LPIN2: variants seen among roughly 807,000 people sequenced by gnomAD.
LPIN2 encodes phosphatidate phosphatase LPIN2.
LPIN2 carries 55 observed loss-of-function variants against 111.4 expected under a neutral mutation model. The ratio of observed to expected loss-of-function variants is 0.49; its 90% CI spans 0.40 to 0.62. LPIN2 has a LOEUF of 0.62. Ranked by LOEUF, LPIN2 falls within the 20% of genes least tolerant of loss-of-function variation. The pLI, the probability that LPIN2 is intolerant of heterozygous loss-of-function variation, is 0.00. For missense variants in LPIN2, 992 were observed against 1,112.1 expected, an observed-to-expected ratio of 0.89 and a Z score of 1.54; for synonymous variants, 425 against 414.0, an observed-to-expected ratio of 1.03 and a Z score of -0.32.
chr18:2,994,111 A>T (rs2078305337), intron 1 of LPIN2, among the ~76,000 whole-genome samples: 1 of 152,250 alleles, frequency 6.6e-6, no homozygotes, highest in African/African-American at 2.4e-5. Flanking sequence ...CAGACTGTAC[A>T]TAAATGTACG....
At chr18:2,995,983 T>A (rs1318128186) in intron 1 of LPIN2, among the ~76,000 whole-genome samples, 3 of 152,180 alleles carry the variant, frequency 2.0e-5, no homozygotes, top group Non-Finnish European at 4.4e-5. Flanking sequence ...TACATGTGTA[T>A]AACGGAGGAC....
In LPIN2 at chr18:2,940,681, C is replaced by T; in HGVS notation, c.622G>A (p.Glu208Lys). The T allele has an allele frequency of 2.5e-6, 4 of 1,612,998 alleles. No homozygotes were observed. The highest frequency in any genetic ancestry group is 1.7e-6 in the Non-Finnish European group (2 of 1,179,274). Residue 208 changes from glutamate (E) to lysine (K), a missense_variant, in exon 5 of 20, where the codon GAA becomes AAA. Around this residue, in one of 4 missense-constraint regions of LPIN2, gnomAD observed 709 missense variants for 753.2 expected, o/e 0.94. Transcript: ENST00000677752. ...GSSNASLKEE[E>K]CKEPLLFHSG... ...TGGAAGAGCAAAGGCTCTTTACATT[C>T]TTCTTCTTTCAAGGAAGCATTTGAA...
chr18:3,002,958 G>A lies in LPIN2; in HGVS notation c.-10+10129C>T, dbSNP rs982023398. 3.9e-5 allele frequency among the ~76,000 whole-genome samples: 6 copies of A among 152,168 alleles called. 1 individual carries two copies. Among genetic ancestry groups the A allele is most frequent in the African/African-American group, 1.4e-4 (6 of 41,434 alleles). On this transcript the variant is annotated intron_variant, in intron 1 of 19. Coordinates refer to ENST00000677752, the MANE Select transcript of LPIN2 (RefSeq NM_001375808.2). ...AGGAATGTTCATTCATTCACCTTTC[G>A]CCCTTTGTCCTATGACTCTCTCAAC...
At chr18:2,968,728 T>C (rs973119166) in intron 1 of LPIN2, among the ~76,000 whole-genome samples, 2 of 152,166 alleles carry the variant, frequency 1.3e-5, no homozygotes, top group African/African-American at 4.8e-5. Context: ...GAAAGTGTGC[T>C]AAGTTTGAGG....
At chr18:2,967,883 A>C (rs1203297963) in intron 1 of LPIN2, among the ~76,000 whole-genome samples, 1 of 152,190 alleles carries the variant, frequency 6.6e-6, no homozygotes, top group African/African-American at 2.4e-5. Flanking sequence ...TCACTTTATA[A>C]AACAAGAAAT....
chr18:2,972,847 T>C (rs1055308718), intron 1 of LPIN2, among the ~76,000 whole-genome samples: 1 of 152,210 alleles, frequency 6.6e-6, no homozygotes. Context: ...AACCTTGTCA[T>C]GAAACTTTCT....
At chr18:2,964,920 C>T (rs942275883) in intron 1 of LPIN2, among the ~76,000 whole-genome samples, 2 of 152,142 alleles carry the variant, frequency 1.3e-5, no homozygotes, top group Non-Finnish European at 2.9e-5. Flanking sequence ...AATATGTGAA[C>T]TGATTGGGTC....
chr18:2,930,347 G>C (rs573012509), intron 9 of LPIN2, among the ~76,000 whole-genome samples: 1 of 152,166 alleles, frequency 6.6e-6, no homozygotes, highest in East Asian at 1.9e-4. Flanking sequence ...TTAGTCCCTA[G>C]AATGAACCAT....
rs1366409164 is a variant in LPIN2 at position 2,982,612 on chromosome 18, G to A, written c.-9-21763C>T. The A allele has an allele frequency of 4.0e-6, 3 of 743,942 alleles. No individual in the cohort carries two copies. In the African/African-American group the frequency reaches 5.5e-5, roughly 14 times the overall value. The allele number at this position is 743,942 out of a possible 1,614,324, so 46.1% of individuals were successfully genotyped here. A position where few individuals can be genotyped will look rare whatever the true frequency, so the allele number is the denominator to read the frequency against. On this transcript the variant is annotated intron_variant, in intron 1 of 19. Transcript: ENST00000677752. ...GATGCCATCCCCTTGTCTCTCAGTA[G>A]TGTCCAGATTGAGCAAGCAGCGAAG...
chr18:2,959,389 A>G (rs2077672682), intron 2 of LPIN2, among the ~76,000 whole-genome samples: 1 of 152,248 alleles, frequency 6.6e-6, no homozygotes, highest in African/African-American at 2.4e-5. Context: ...AAGCTCAGCT[A>G]TATAAAATAG....
chr18:2,934,598 A>G lies in LPIN2; in HGVS notation c.1169-148T>C. On this transcript the variant is annotated intron_variant, in intron 7 of 19. Transcript: ENST00000677752. ...AAGGTGTCAACCAGCCTTTTTACTT[A>G]GGTTGGTTCCCAGCCATCCATGCCA... 3 of 656,768 alleles carry G rather than the reference A, an allele frequency of 4.6e-6. No individual in the cohort carries two copies. In the South Asian group the frequency reaches 4.8e-5, roughly 10 times the overall value. The allele number at this position is 656,768 out of a possible 1,614,324, so 40.7% of individuals were successfully genotyped here.
In LPIN2 at chr18:2,951,325, G is replaced by A; in HGVS notation, c.320C>T (p.Pro107Leu). The A allele has an allele frequency of 6.2e-7, 1 of 1,614,074 alleles. No homozygotes were observed. Among genetic ancestry groups the A allele is most frequent in the Non-Finnish European group, 8.5e-7 (1 of 1,180,002 alleles). ...EKLPAYLATSPIPTEDQFFKD... is the reference protein window; with the variant it reads ...EKLPAYLATSLIPTEDQFFKD... Reference sequence around the variant, plus strand: ...AAAGAACTGATCTTCAGTAGGAATTGGTGAGGTGGCAAGGTAAGCAGGAAG... The same window carrying A: ...AAAGAACTGATCTTCAGTAGGAATTAGTGAGGTGGCAAGGTAAGCAGGAAG... Residue 107 changes from proline to leucine, a missense_variant, in exon 4 of 20, where the codon CCA (proline) becomes CTA (leucine). By Grantham distance (98) the Pro-to-Leu change is moderately conservative. Transcript: ENST00000677752.
chr18:2,935,777 T>G (rs1376593519), intron 7 of LPIN2, among the ~76,000 whole-genome samples: 1 of 152,128 alleles, frequency 6.6e-6, no homozygotes, highest in East Asian at 1.9e-4. Context: ...AATAAAACAC[T>G]GTATGTGGAT....
chr18:2,970,505 TGGC>T (rs1324467952), intron 1 of LPIN2, among the ~76,000 whole-genome samples: 1 of 152,258 alleles, frequency 6.6e-6, no homozygotes, highest in Non-Finnish European at 1.5e-5. Flanking sequence ...CTTGCCCTCT[TGGC>T]ATCTCTCTGA....
chr18:2,959,229 T>C (rs927891068), intron 2 of LPIN2, among the ~76,000 whole-genome samples: 5 of 152,256 alleles, frequency 3.3e-5, no homozygotes, highest in Admixed American at 2.6e-4. Flanking sequence ...AATGTGGTTC[T>C]CCAGTGGAAA....
At chr18:2,939,735 G>C in intron 5 of LPIN2, 132 bp from the exon 6 acceptor site, 4 of 898,636 alleles carry the variant, frequency 4.5e-6, no homozygotes, top group Non-Finnish European at 6.8e-6. Context: ...TCTATGGAAG[G>C]GAGCATCAAT....
At chr18:2,952,556 T>C (rs1243995224) in intron 3 of LPIN2, among the ~76,000 whole-genome samples, 2 of 152,218 alleles carry the variant, frequency 1.3e-5, no homozygotes, top group Non-Finnish European at 2.9e-5. Context: ...ATAAACATAT[T>C]ACCCTGAAGC....
intron 3 of LPIN2, among the ~76,000 whole-genome samples, chr18:2,951,818 C>T (rs902049099): frequency 2.0e-5 from 3 of 152,102 alleles, no homozygotes; most frequent in Admixed American, 6.5e-5. Flanking sequence ...GTGAGTGACG[C>T]GAGGATGCAG....
At position 2,918,108 on chromosome 18, in the gene LPIN2, T is replaced by A. The variant is rs1207287982; in HGVS notation, c.*2185A>T. 1 of 152,154 alleles carries A rather than the reference T, an allele frequency of 6.6e-6. No individual in the cohort carries two copies. 9.4% of individuals were successfully genotyped at this position (152,154 alleles called of 1,614,324 possible). A position where few individuals can be genotyped will look rare whatever the true frequency, so the allele number is the denominator to read the frequency against. Reference sequence around the variant, plus strand: ...CTTTAAACAAGGAAAAAGACTCACATTAATTAGCCTATGTACCCACTGGAT... The same window carrying A: ...CTTTAAACAAGGAAAAAGACTCACAATAATTAGCCTATGTACCCACTGGAT... On this transcript the variant is annotated 3_prime_UTR_variant, in exon 20 of 20. Coordinates refer to ENST00000677752, the MANE Select transcript of LPIN2 (RefSeq NM_001375808.2).
Sources: allele counts gnomAD v4.1 joint callset (sites outside exome capture counted in the v4.1 genomes callset), GRCh38; gene constraint gnomAD v4.1.1; regional missense constraint gnomAD v4.1.1; transcripts MANE v1.5; gene names NCBI Gene and HGNC (gene_info 2026-07-23, HGNC 2026-07-21).